The following NOM1 variants were observed in gnomAD, a reference collection of about 807,000 sequenced individuals.
NOM1 encodes the protein nucleolar protein with MIF4G domain 1.
In NOM1, 58 loss-of-function variants were observed where a neutral mutation model predicts 73.3. The ratio of observed to expected loss-of-function variants is 0.79; its 90% CI spans 0.64 to 0.99. The LOEUF (loss-of-function observed/expected upper bound fraction) is 0.99, where lower values mean the gene tolerates loss of function less well. Ranked by LOEUF, NOM1 falls within the 50% of genes least tolerant of loss-of-function variation. NOM1 has a pLI of 0.00. For synonymous variants in NOM1, 487 were observed against 446.8 expected (o/e 1.09, Z -1.14); for missense variants, 1,226 against 1,131.9 (o/e 1.08, Z -1.19).
chr7:156,959,942 C>T lies in NOM1; in HGVS notation c.1400C>T (p.Thr467Ile), dbSNP rs770999402. 1 of 1,613,098 alleles carries T rather than the reference C, an allele frequency of 6.2e-7. No individual in the cohort carries two copies. The highest frequency in any genetic ancestry group is 1.1e-5 in the South Asian group (1 of 91,040). The change falls in exon 4 of 11, where the codon ACC (threonine) becomes ATC (isoleucine). Residue 467 changes from threonine (T) to isoleucine (I), a missense_variant. By Grantham distance (89) the Thr-to-Ile change is moderately conservative. Transcript: ENST00000275820. ...GGGAAAGAGTGTGACAACCTGTTCA[C>T]CGTCATTGCCCATTTATACAACTTC... is the stretch of plus-strand genomic sequence containing the variant. ...SEGKECDNLF[T>I]VIAHLYNFHV... is the part of the protein sequence containing the mutation.
At chr7:156,954,496 A>G (rs200519975) in intron 3 of NOM1, among the ~76,000 whole-genome samples, 198 bp downstream of exon 3, 2 of 31,488 alleles carry the variant, frequency 6.4e-5, no homozygotes, top group Admixed American at 7.7e-4. Flanking sequence ...GATTTTGCTT[A>G]ACTTTGCTTT....
Position 156,963,928 on chromosome 7 carries a change from C to G in NOM1, c.1935C>G (p.Leu645=), listed in dbSNP as rs749133837. 1 of 1,613,870 alleles carries G rather than the reference C, an allele frequency of 6.2e-7. No individual in the cohort carries two copies. Among genetic ancestry groups the G allele is most frequent in the Admixed American group, 1.7e-5 (1 of 59,982 alleles). ...VGTVSSKILE[L]ARKQRMNTDI... ...AGGTCAGTTCAAAGATCCTAGAACTCGCCCGGAAGCAGAGGATGAACACAG... is the reference window on the plus strand; with the variant it reads ...AGGTCAGTTCAAAGATCCTAGAACTGGCCCGGAAGCAGAGGATGAACACAG... The change falls in exon 7 of 11, where the codon CTC becomes CTG. Residue 645 remains leucine (L), a synonymous_variant. Transcript: ENST00000275820.
At position 156,950,355 on chromosome 7, in the gene NOM1, C is replaced by T. The variant is rs374116557; in HGVS notation, c.618C>T (p.Ser206=). 6.8e-6 allele frequency: 11 copies of T among 1,614,118 alleles called. No homozygotes were observed. Among genetic ancestry groups the T allele is most frequent in the Non-Finnish European group, 9.3e-6 (11 of 1,180,040 alleles). The change falls in exon 1 of 11, where the codon TCC becomes TCT. Residue 206 remains serine, a synonymous_variant. Transcript: ENST00000275820. ...NKRKKKDGSS[S]VPLSFARDGL... ...GCAAAAAGAAGGACGGCAGCAGCTC[C>T]GTGCCGCTGAGCTTTGCACGCGACG...
rs779972389 is a variant in NOM1 at position 156,969,560 on chromosome 7, C to A, written c.2440C>A (p.Arg814Ser). 1.9e-6 allele frequency: 3 copies of A among 1,613,694 alleles called. No individual in the cohort carries two copies. Among genetic ancestry groups the A allele is most frequent in the East Asian group, 2.2e-5 (1 of 44,876 alleles). ...VSDNPKLGVL[R>S]EGLKLFISHF... ...TGACAACCCAAAGCTGGGGGTGTTA[C>A]GTGAGGGTTTGAAGCTTTTCATCAG... is the stretch of plus-strand genomic sequence containing the variant. The change falls in exon 11 of 11, where the codon CGT (arginine) becomes AGT (serine). Residue 814 changes from arginine to serine, a missense_variant. Physicochemically the swap from Arg to Ser is moderately radical, Grantham distance 110 (BLOSUM62 -1). Coordinates refer to ENST00000275820, the MANE Select transcript of NOM1 (RefSeq NM_138400.2).
intron 5 of NOM1, among the ~76,000 whole-genome samples, chr7:156,962,690 C>T (rs1483432253): frequency 6.6e-6 from 1 of 152,196 alleles, no homozygotes; most frequent in East Asian, 1.9e-4. Flanking sequence ...CATCTCAAGT[C>T]CAAATCATTG....
Position 156,972,399 on chromosome 7 carries a change from T to C in NOM1, c.*2696T>C, listed in dbSNP as rs1805160443. ...CTGATTTTTCTGCAAAAGATGAATT[T>C]CTATAAACAATCCCATTTTTATATT... On this transcript the variant is annotated 3_prime_UTR_variant, in exon 11 of 11. Coordinates refer to ENST00000275820, the MANE Select transcript of NOM1 (RefSeq NM_138400.2). 6.7e-6 allele frequency: 1 copy of C among 148,782 alleles called. No homozygotes were observed. Among genetic ancestry groups the C allele is most frequent in the Non-Finnish European group, 1.5e-5 (1 of 67,134 alleles). The allele number at this position is 148,782 out of a possible 1,614,324, so 9.2% of individuals were successfully genotyped here.
At chr7:156,968,219 C>T (rs577056633) in intron 9 of NOM1, among the ~76,000 whole-genome samples, 11 of 152,284 alleles carry the variant, frequency 7.2e-5, no homozygotes, top group East Asian at 3.9e-4. Flanking sequence ...CCTTGCCTTT[C>T]GCTCGCCCAG....
In NOM1 at chr7:156,971,042, A is replaced by T. The variant is rs1805129016; in HGVS notation, c.*1339A>T. 1 of 152,210 alleles carries T rather than the reference A, an allele frequency of 6.6e-6. No homozygotes were observed. Among genetic ancestry groups the T allele is most frequent in the African/African-American group, 2.4e-5 (1 of 41,458 alleles). 9.4% of individuals were successfully genotyped at this position (152,210 alleles called of 1,614,324 possible). A position where few individuals can be genotyped will look rare whatever the true frequency, so the allele number is the denominator to read the frequency against. ...CATCCGTCTAGTGGGAGAAACAAAC[A>T]CACCCCACTCACTAAGTATGGAAAA... is the stretch of plus-strand genomic sequence containing the variant. On this transcript the variant is annotated 3_prime_UTR_variant, in exon 11 of 11. Transcript: ENST00000275820.
At position 156,954,225 on chromosome 7, in the gene NOM1, C is replaced by T. The variant is rs952962075; in HGVS notation, c.1235C>T (p.Ser412Leu). 116 of 1,613,382 alleles carry T rather than the reference C, an allele frequency of 7.2e-5. No homozygotes were observed. Among genetic ancestry groups the T allele is most frequent in the Non-Finnish European group, 9.5e-5 (112 of 1,179,840 alleles). Residue 412 changes from serine (S) to leucine (L), a missense_variant, in exon 3 of 11, where the codon TCG becomes TTG. By Grantham distance (145) the Ser-to-Leu change is moderately radical. Transcript: ENST00000275820. Reference sequence around the variant, plus strand: ...CTCATGGGTGCCTGCGTCACTGCCTCGGCCATGCCCAGCAGACTGATGATG... The same window carrying T: ...CTCATGGGTGCCTGCGTCACTGCCTTGGCCATGCCCAGCAGACTGATGATG... ...SALMGACVTA[S>L]AMPSRLMMEH...
rs1430477500 is a variant in NOM1 at position 156,973,116 on chromosome 7, G to A, written c.*3413G>A. 1.3e-5 allele frequency: 2 copies of A among 152,026 alleles called. No homozygotes were observed. Among genetic ancestry groups the A allele is most frequent in the African/African-American group, 4.8e-5 (2 of 41,384 alleles). 9.4% of individuals were successfully genotyped at this position (152,026 alleles called of 1,614,324 possible). A position where few individuals can be genotyped will look rare whatever the true frequency, so the allele number is the denominator to read the frequency against. On this transcript the variant is annotated 3_prime_UTR_variant, in exon 11 of 11. Coordinates refer to ENST00000275820, the MANE Select transcript of NOM1 (RefSeq NM_138400.2). ...GTCTTTCAGGGTATCATTTTTAAAGGTATAAGGAACAAACTTTAATGTATT... is the reference window on the plus strand; with the variant it reads ...GTCTTTCAGGGTATCATTTTTAAAGATATAAGGAACAAACTTTAATGTATT...
At chr7:156,960,206 G>A (rs1162863230) in intron 4 of NOM1, 32 bp downstream of exon 4, 1 of 1,569,602 alleles carries the variant, frequency 6.4e-7, no homozygotes, top group Non-Finnish European at 8.7e-7. Context: ...TGCTTCCTAA[G>A]TCCCTAAAGC....
Position 156,958,777 on chromosome 7 carries a change from TC to T in NOM1, c.1309-1072del, listed in dbSNP as rs1283608112. On this transcript the variant is annotated intron_variant, in intron 3 of 10. Coordinates refer to ENST00000275820, the MANE Select transcript of NOM1 (RefSeq NM_138400.2). ...AGGCCCGGCAGTTCCTGGCCCCACTTCCGCCCCTCAGGGCAGTGTCTGGTTT... is the reference window on the plus strand; with the variant it reads ...AGGCCCGGCAGTTCCTGGCCCCACTTCGCCCCTCAGGGCAGTGTCTGGTTT... 3 of 152,380 alleles carry T rather than the reference TC, an allele frequency of 2.0e-5. No individual in the cohort carries two copies. The South Asian group carries it at 6.2e-4, about 32-fold the overall frequency. The allele number at this position is 152,380 out of a possible 1,614,324, so 9.4% of individuals were successfully genotyped here. A position where few individuals can be genotyped will look rare whatever the true frequency, so the allele number is the denominator to read the frequency against.
At chr7:156,956,699 C>T (rs1423281912) in intron 3 of NOM1, among the ~76,000 whole-genome samples, 1 of 152,228 alleles carries the variant, frequency 6.6e-6, no homozygotes, top group African/African-American at 2.4e-5. Context: ...TGGGTCATCT[C>T]AGATATGAAA....
Position 156,963,198 on chromosome 7 carries a change from C to G in NOM1, c.1911+23C>G, listed in dbSNP as rs776386954. 5.6e-6 allele frequency: 9 copies of G among 1,613,480 alleles called. No homozygotes were observed. The African/African-American group carries it at 1.2e-4, about 22-fold the overall frequency. On this transcript the variant is annotated intron_variant, in intron 6 of 10. Coordinates refer to ENST00000275820, the MANE Select transcript of NOM1 (RefSeq NM_138400.2). ...ACGGTAGGGACACCCATGCTCAAGG[C>G]TGCCAGGCAGAGGCACCCCCCTGTG...
In NOM1 at chr7:156,954,083, GT is replaced by G; in HGVS notation, c.1113-19del. The G allele has an allele frequency of 6.3e-7, 1 of 1,588,506 alleles. No individual in the cohort carries two copies. The highest frequency in any genetic ancestry group is 8.5e-7 in the Non-Finnish European group (1 of 1,171,474). ...CTAATTGGAAACATTGTTGCTCTCT[GT>G]CTTTACAATTCTCTGCAGGTTGAGT... On this transcript the variant is annotated intron_variant, in intron 2 of 10. Transcript: ENST00000275820.
intron 3 of NOM1, among the ~76,000 whole-genome samples, chr7:156,956,785 A>G (rs146012816): frequency 2.1e-4 from 32 of 152,300 alleles, no homozygotes; most frequent in African/African-American, 6.7e-4. Flanking sequence ...ATGTATGAGC[A>G]TGTGGGAGTC....
At chr7:156,951,897 G>T (rs902971490) in intron 1 of NOM1, among the ~76,000 whole-genome samples, 1 of 152,036 alleles carries the variant, frequency 6.6e-6, no homozygotes, top group Non-Finnish European at 1.5e-5. Context: ...CAGTAGAGAT[G>T]GGGTTTCACT....
Position 156,949,761 on chromosome 7 carries a change from A to G in NOM1, c.24A>G (p.Gly8=). The G allele has an allele frequency of 7.2e-7, 1 of 1,395,452 alleles. No homozygotes were observed. The highest frequency in any genetic ancestry group is 9.3e-7 in the Non-Finnish European group (1 of 1,080,256). The allele number at this position is 1,395,452 out of a possible 1,614,324, so 86.4% of individuals were successfully genotyped here. The change falls in exon 1 of 11, where the codon GGA becomes GGG. Residue 8 remains glycine (G), a synonymous_variant. Transcript: ENST00000275820. MAASRSA[G]EAGPGGSQGR... The stretch of plus-strand genomic sequence containing the variant: ...AGATGGCGGCGTCCAGGAGCGCGGG[A>G]GAGGCCGGCCCGGGCGGCTCCCAGG...
chr7:156,955,318 C>A (rs1263484900), intron 3 of NOM1, among the ~76,000 whole-genome samples: 1 of 152,182 alleles, frequency 6.6e-6, no homozygotes, highest in African/African-American at 2.4e-5. Context: ...CCAGTTCCCC[C>A]AAGGTAGCTG....
Sources: allele counts gnomAD v4.1 joint callset (sites outside exome capture counted in the v4.1 genomes callset), GRCh38; gene constraint gnomAD v4.1.1; transcripts MANE v1.5; gene names NCBI Gene and HGNC (gene_info 2026-07-23, HGNC 2026-07-21).